CCDC171: variants seen among roughly 807,000 people sequenced by gnomAD.
The protein encoded by CCDC171 is coiled-coil domain-containing protein 171.
A neutral mutation model predicts 168.2 loss-of-function variants in CCDC171; 177 were observed. The observed-to-expected ratio is 1.05, with a 90% CI of 0.93 to 1.19. The LOEUF is 1.19. Among genes scored for constraint, CCDC171 ranks in the 50% most tolerant of loss-of-function variants. The pLI is 0.00. For synonymous variants in CCDC171, 687 were observed against 540.8 expected, an observed-to-expected ratio of 1.27 and a Z score of -3.75; for missense variants, 1,991 against 1,539.0, an observed-to-expected ratio of 1.29 and a Z score of -4.91.
intron 25 of CCDC171, among the ~76,000 whole-genome samples, chr9:15,951,164 C>T (rs1021678221): frequency 2.0e-5 from 3 of 150,596 alleles, no homozygotes; most frequent in African/African-American, 4.8e-5. Context: ...GACTCCTACA[C>T]ATTAATAATG....
At chr9:15,638,019 G>A (rs1359847976) in intron 7 of CCDC171, among the ~76,000 whole-genome samples, 1 of 152,068 alleles carries the variant, frequency 6.6e-6, no homozygotes. Flanking sequence ...GGTATTTCTA[G>A]TTCTAGATCC....
At chr9:16,059,505 C>T (rs796692617) in intron 1 of CCDC171, among the ~76,000 whole-genome samples, 1,042 of 100,724 alleles carry the variant, frequency 0.01, no homozygotes, top group Middle Eastern at 0.039. Context: ...TTTTTTTTTT[C>T]TTTTTTTTTT....
intron 7 of CCDC171, among the ~76,000 whole-genome samples, chr9:15,655,016 A>G (rs1337929559): frequency 6.6e-6 from 1 of 152,102 alleles, no homozygotes; most frequent in South Asian, 2.1e-4. Context: ...GGAACATCAC[A>G]CACCGGAGCC....
intron 25 of CCDC171, among the ~76,000 whole-genome samples, chr9:15,952,366 C>A (rs1318880984): frequency 6.6e-6 from 1 of 151,996 alleles, no homozygotes; most frequent in Non-Finnish European, 1.5e-5. Context: ...TATTTCCAGT[C>A]CCTTGAGATT....
chr9:16,102,488 T>TGGGGGGGG, the CCDC171 span, among the ~76,000 whole-genome samples: 4 of 50,078 alleles, frequency 8.0e-5, no homozygotes, highest in African/African-American at 1.1e-4. Flanking sequence ...AAACGTGTGT[T>TGGGGGGGG]GGGGGGGGGC....
chr9:15,938,803 G>A (rs1295148657), intron 25 of CCDC171, among the ~76,000 whole-genome samples: 1 of 151,766 alleles, frequency 6.6e-6, no homozygotes, highest in African/African-American at 2.4e-5. Context: ...AATGTAAGGG[G>A]CCAGCTAAGG....
intron 8 of CCDC171, among the ~76,000 whole-genome samples, chr9:15,663,816 C>T (rs1223013004): frequency 6.6e-6 from 1 of 152,046 alleles, no homozygotes; most frequent in African/African-American, 2.4e-5. Flanking sequence ...CCGTGTTAGC[C>T]AGGATGGTCT....
At chr9:16,102,224 G>A in the CCDC171 span, among the ~76,000 whole-genome samples, 1 of 152,086 alleles carries the variant, frequency 6.6e-6, no homozygotes, top group Non-Finnish European at 1.5e-5. Context: ...GGGAAATTAC[G>A]ATATTGTCTG....
chr9:16,013,309 A>G (rs1456848291), intron 3 of CCDC171, among the ~76,000 whole-genome samples: 2 of 152,244 alleles, frequency 1.3e-5, no homozygotes, highest in African/African-American at 2.4e-5. Flanking sequence ...AAAAAATCCA[A>G]GTTTCTCTCT....
At chr9:15,694,129 G>C (rs568785942) in intron 10 of CCDC171, among the ~76,000 whole-genome samples, 1 of 152,200 alleles carries the variant, frequency 6.6e-6, no homozygotes, top group African/African-American at 2.4e-5. Context: ...ATCCCCTTCT[G>C]TTTTTCTTCT....
intron 24 of CCDC171, among the ~76,000 whole-genome samples, chr9:15,904,121 A>G (rs1057082086): frequency 6.6e-6 from 1 of 152,194 alleles, no homozygotes; most frequent in Non-Finnish European, 1.5e-5. Flanking sequence ...TATACAGGAG[A>G]ACCTCCCCAA....
intron 6 of CCDC171, among the ~76,000 whole-genome samples, chr9:15,605,229 G>T (rs963184582): frequency 3.0e-4 from 45 of 152,006 alleles, no homozygotes; most frequent in African/African-American, 8.5e-4. Context: ...ATTAACATAT[G>T]TTGACATGTA....
intron 21 of CCDC171, among the ~76,000 whole-genome samples, chr9:15,821,355 G>A (rs1256930914): frequency 1.7e-5 from 2 of 116,746 alleles, no homozygotes; most frequent in Non-Finnish European, 3.8e-5. Context: ...GGCAGGAGAA[G>A]GAAATAAAGG....
Position 15,701,953 on chromosome 9 carries a change from G to A in CCDC171, c.1318+6616G>A, listed in dbSNP as rs573182025. Among the ~76,000 whole-genome samples, 11 of 152,230 alleles carry A rather than the reference G, an allele frequency of 7.2e-5. 1 individual carries two copies. The South Asian group carries it at 2.3e-3, about 32-fold the overall frequency. ...TCCATCAGAGGAATCACCATCTATGGCAGCTATAGCCTTATGAAATGTATT... is the reference window on the plus strand; with the variant it reads ...TCCATCAGAGGAATCACCATCTATGACAGCTATAGCCTTATGAAATGTATT... On this transcript the variant is annotated intron_variant, in intron 11 of 25. Transcript: ENST00000380701.
At chr9:16,055,964 A>G (rs74467238) in intron 1 of CCDC171, among the ~76,000 whole-genome samples, 7,919 of 152,304 alleles carry the variant, frequency 0.052, 687 homozygotes, top group African/African-American at 0.18. Context: ...CAATTGGGTA[A>G]TGAAATATTC....
In CCDC171 at chr9:15,656,140, A is replaced by G. The variant is rs536262651; in HGVS notation, c.823-987A>G. 2.0e-5 allele frequency among the ~76,000 whole-genome samples: 3 copies of G among 152,218 alleles called. No homozygotes were observed. In the East Asian group the frequency reaches 5.8e-4, roughly 29 times the overall value. On this transcript the variant is annotated intron_variant, in intron 7 of 25. Coordinates refer to ENST00000380701, the MANE Select transcript of CCDC171 (RefSeq NM_173550.4). ...CGAGACCATCCTGGCTAGCACGGTG[A>G]AATCCCGTCTCTACTAAAAATATAA...
At chr9:16,023,112 T>TA (rs1833206937) in intron 6 of CCDC171, among the ~76,000 whole-genome samples, 1 of 151,636 alleles carries the variant, frequency 6.6e-6, no homozygotes, top group Admixed American at 6.6e-5. Flanking sequence ...TTTTTTTTTT[T>TA]AAATGGAGTC....
intron 23 of CCDC171, among the ~76,000 whole-genome samples, chr9:15,872,033 A>G (rs1433513608): frequency 1.3e-5 from 2 of 152,018 alleles, no homozygotes; most frequent in Non-Finnish European, 2.9e-5. Context: ...AAAGTGGAAA[A>G]AACTCTTAAA....
intron 21 of CCDC171, among the ~76,000 whole-genome samples, chr9:15,808,973 G>A (rs2135919593): frequency 6.6e-6 from 1 of 152,144 alleles, no homozygotes; most frequent in South Asian, 2.1e-4. Context: ...GTCTTCACAT[G>A]GTGGAAAGCG....
Sources: allele counts gnomAD v4.1 joint callset (sites outside exome capture counted in the v4.1 genomes callset), GRCh38; gene constraint gnomAD v4.1.1; transcripts MANE v1.5; gene names NCBI Gene and HGNC (gene_info 2026-07-23, HGNC 2026-07-21).